AGBL1: variants seen among roughly 807,000 people sequenced by gnomAD.
AGBL1 encodes cytosolic carboxypeptidase 4.
Under a neutral mutation model 118.9 loss-of-function variants are expected in AGBL1, and 130 were observed. The ratio of observed to expected loss-of-function variants is 1.09; its 90% CI spans 0.95 to 1.26. AGBL1 has a LOEUF of 1.26. AGBL1 is among the 50% of genes most tolerant of loss of function. The probability of loss-of-function intolerance (pLI) is 0.00; values close to 1 mark genes in which losing one functional copy is unlikely to be tolerated. For synonymous variants in AGBL1, 555 were observed against 478.9 expected (o/e 1.16, Z -2.08); for missense variants, 1,584 against 1,298.1 (o/e 1.22, Z -3.38).
chr15:86,142,372 G>C (rs1205148993), intron 2 of AGBL1, among the ~76,000 whole-genome samples: 2 of 152,150 alleles, frequency 1.3e-5, no homozygotes, highest in East Asian at 3.8e-4. Flanking sequence ...TAAGAGAGCT[G>C]AGTATCAGAA....
At chr15:86,496,561 A>G (rs1305327827) in intron 18 of AGBL1, among the ~76,000 whole-genome samples, 2 of 151,864 alleles carry the variant, frequency 1.3e-5, no homozygotes, top group Non-Finnish European at 2.9e-5. Context: ...AATTTTTTCC[A>G]TCTCATTTTG....
At chr15:86,239,268 C>T (rs2078604093) in intron 6 of AGBL1, among the ~76,000 whole-genome samples, 1 of 152,036 alleles carries the variant, frequency 6.6e-6, no homozygotes. Flanking sequence ...TGCTTGAAAC[C>T]AAAATTTACT....
At chr15:86,155,931 T>C (rs530585988) in intron 4 of AGBL1, among the ~76,000 whole-genome samples, 1 of 152,182 alleles carries the variant, frequency 6.6e-6, no homozygotes, top group African/African-American at 2.4e-5. Context: ...AATTTTTTTT[T>C]ATTTTTTTGA....
At chr15:86,964,238 C>T (rs1164466734) in intron 23 of AGBL1, among the ~76,000 whole-genome samples, 2 of 151,878 alleles carry the variant, frequency 1.3e-5, no homozygotes, top group East Asian at 3.9e-4. Context: ...GTTTCTTAAC[C>T]TCAGTACTAT....
At chr15:86,712,371 T>C (rs2086574150) in intron 22 of AGBL1, among the ~76,000 whole-genome samples, 1 of 151,966 alleles carries the variant, frequency 6.6e-6, no homozygotes, top group Non-Finnish European at 1.5e-5. Context: ...GTACTTTTTT[T>C]TTTTTTAATT....
intron 1 of AGBL1, among the ~76,000 whole-genome samples, chr15:86,121,577 G>T (rs189581846): frequency 1.3e-5 from 2 of 152,322 alleles, no homozygotes; most frequent in East Asian, 3.9e-4. Context: ...AGTTGTAGGG[G>T]TGATTCATGT....
chr15:86,721,357 A>C (rs1355288692), intron 22 of AGBL1, among the ~76,000 whole-genome samples: 2 of 152,242 alleles, frequency 1.3e-5, no homozygotes, highest in Non-Finnish European at 2.9e-5. Context: ...ATGCAAATCA[A>C]TAAACATAAT....
chr15:86,625,847 G>A (rs1408369159), intron 21 of AGBL1, among the ~76,000 whole-genome samples: 7 of 152,102 alleles, frequency 4.6e-5, no homozygotes, highest in Non-Finnish European at 8.8e-5. Context: ...ATATCCGAAT[G>A]CAAATAAAAG....
At chr15:86,644,636 CAAA>C (rs202060119) in intron 21 of AGBL1, among the ~76,000 whole-genome samples, 7 of 112,064 alleles carry the variant, frequency 6.2e-5, no homozygotes, top group Admixed American at 2.0e-4. Context: ...GGCCTGAACT[CAAA>C]AAAAAAAAAA....
intron 22 of AGBL1, among the ~76,000 whole-genome samples, chr15:86,696,161 T>C (rs898366367): frequency 1.3e-4 from 20 of 152,018 alleles, no homozygotes; most frequent in African/African-American, 4.8e-4. Context: ...TTGACCTGCC[T>C]AGTGCTGTCA....
intron 18 of AGBL1, among the ~76,000 whole-genome samples, chr15:86,480,579 A>G (rs1222513216): frequency 6.6e-6 from 1 of 152,084 alleles, no homozygotes; most frequent in Non-Finnish European, 1.5e-5. Flanking sequence ...CTATGAAAAG[A>G]TGAATGTGAT....
chr15:86,315,820 T>TA (rs1210891672), intron 17 of AGBL1, among the ~76,000 whole-genome samples: 1 of 151,756 alleles, frequency 6.6e-6, no homozygotes, highest in African/African-American at 2.4e-5. Flanking sequence ...CACACGGGAA[T>TA]ACTATAGCTA....
intron 1 of AGBL1, among the ~76,000 whole-genome samples, chr15:86,113,204 T>C (rs1048265435): frequency 6.9e-6 from 1 of 145,202 alleles, no homozygotes; most frequent in African/African-American, 2.5e-5. Flanking sequence ...CTTTATTTTT[T>C]CTTTTTCTTT....
At chr15:86,738,189 T>C in intron 22 of AGBL1, among the ~76,000 whole-genome samples, 1 of 152,086 alleles carries the variant, frequency 6.6e-6, no homozygotes, top group East Asian at 1.9e-4. Context: ...CGCTTCATAA[T>C]AAAAGCTCTT....
At chr15:86,262,623 G>A (rs1050291176) in intron 9 of AGBL1, 155 bp from the exon 10 acceptor site, 3 of 693,896 alleles carry the variant, frequency 4.3e-6, no homozygotes, top group South Asian at 1.5e-5. Context: ...ATACAATCCA[G>A]CATAACAAAT....
At chr15:86,952,060 G>A (rs777305203) in intron 23 of AGBL1, among the ~76,000 whole-genome samples, 28 of 152,010 alleles carry the variant, frequency 1.8e-4, no homozygotes, top group Admixed American at 1.0e-3. Context: ...GTGAAACCCC[G>A]TCTCTACTAA....
At chr15:86,201,377 T>C (rs1479717137) in intron 5 of AGBL1, among the ~76,000 whole-genome samples, 1 of 152,240 alleles carries the variant, frequency 6.6e-6, no homozygotes, top group African/African-American at 2.4e-5. Context: ...ATTACAGATA[T>C]CATTTGACTA....
intron 22 of AGBL1, among the ~76,000 whole-genome samples, chr15:86,803,312 C>T (rs1041305544): frequency 1.3e-5 from 2 of 152,114 alleles, no homozygotes; most frequent in African/African-American, 2.4e-5. Context: ...TGCTCATGCT[C>T]TTCTCTCTCC....
intron 19 of AGBL1, among the ~76,000 whole-genome samples, chr15:86,529,831 AC>A (rs1366738944): frequency 6.7e-6 from 1 of 149,688 alleles, no homozygotes; most frequent in Non-Finnish European, 1.5e-5. Flanking sequence ...AGAATTTTCA[AC>A]CCAGAATTTC....
Sources: gnomAD v4.1 joint callset for allele counts (sites outside exome capture counted in the v4.1 genomes callset) on GRCh38, gnomAD v4.1.1 for gene constraint, MANE v1.5 for transcripts, NCBI Gene and HGNC (gene_info 2026-07-23, HGNC 2026-07-21) for gene names.